The following CHL1 variants were observed in gnomAD, a reference collection of about 807,000 sequenced individuals.
The protein encoded by CHL1 is cell adhesion molecule L1 like, also known as neural cell adhesion molecule L1-like protein.
Under a neutral mutation model 141.9 loss-of-function variants are expected in CHL1, and 96 were observed. That is an observed-to-expected ratio of 0.68 (90% CI 0.57 to 0.80). The LOEUF (loss-of-function observed/expected upper bound fraction) is 0.80. CHL1 is among the 30% of genes least tolerant of loss of function. CHL1 has a pLI of 0.00. For synonymous variants in CHL1, 613 were observed against 502.2 expected, an observed-to-expected ratio of 1.22 and a Z score of -2.95; for missense variants, 1,820 against 1,457.2, an observed-to-expected ratio of 1.25 and a Z score of -4.05.
At chr3:259,591 C>T (rs1225355498) in intron 2 of CHL1, among the ~76,000 whole-genome samples, 1 of 152,084 alleles carries the variant, frequency 6.6e-6, no homozygotes, top group Non-Finnish European at 1.5e-5. Flanking sequence ...GTTATCTCAT[C>T]CACCATTCCT....
intron 5 of CHL1, among the ~76,000 whole-genome samples, chr3:340,114 C>G (rs1314049787): frequency 6.6e-6 from 1 of 152,136 alleles, no homozygotes; most frequent in East Asian, 1.9e-4. Context: ...CTGATTATAA[C>G]TGCATTGCTC....
At chr3:401,546 A>G (rs1709137254) in intron 26 of CHL1, 80 bp from the exon 27 acceptor site, 1 of 802,458 alleles carries the variant, frequency 1.2e-6, no homozygotes, top group East Asian at 2.6e-5. Context: ...CTTACTGACT[A>G]TTAACTATTC....
intron 11 of CHL1, among the ~76,000 whole-genome samples, chr3:359,495 G>T (rs1012223064): frequency 1.3e-5 from 2 of 151,954 alleles, no homozygotes; most frequent in African/African-American, 4.8e-5. Context: ...TGGAGACAGG[G>T]TTTTGCCGTG....
At chr3:269,343 C>T (rs1340353552) in intron 2 of CHL1, among the ~76,000 whole-genome samples, 1 of 152,114 alleles carries the variant, frequency 6.6e-6, no homozygotes, top group Non-Finnish European at 1.5e-5. Flanking sequence ...AGGAGACTTG[C>T]AAATGTTCCC....
intron 10 of CHL1, among the ~76,000 whole-genome samples, chr3:353,794 G>A (rs1703470426): frequency 1.3e-5 from 2 of 152,112 alleles, no homozygotes; most frequent in African/African-American, 4.8e-5. Flanking sequence ...TACACTTGAT[G>A]GGAGTTGCTA....
chr3:383,803 T>C lies in CHL1; in HGVS notation c.2177-13T>C, dbSNP rs753585093. On this transcript the variant is annotated splice_polypyrimidine_tract_variant and intron_variant, in intron 18 of 27. Transcript: ENST00000256509. Reference sequence around the variant, plus strand: ...TAAAAGGAAAAATAATGTTAATGTTTTTAATTTTTCAGCTCCAGATAGGAA... The same window carrying C: ...TAAAAGGAAAAATAATGTTAATGTTCTTAATTTTTCAGCTCCAGATAGGAA... The C allele has an allele frequency of 6.2e-7, 1 of 1,600,818 alleles. No homozygotes were observed. The highest frequency in any genetic ancestry group is 2.2e-5 in the East Asian group (1 of 44,658).
intron 1 of CHL1, among the ~76,000 whole-genome samples, chr3:203,095 G>A (rs1456648454): frequency 6.6e-6 from 1 of 152,208 alleles, no homozygotes; most frequent in African/African-American, 2.4e-5. Flanking sequence ...CTTTAAAAAT[G>A]AGACTTTCAT....
chr3:216,851 GC>G lies in CHL1; in HGVS notation c.-175+19789del, dbSNP rs200362899. 4.1e-3 allele frequency among the ~76,000 whole-genome samples: 620 copies of G among 152,292 alleles called. 4 individuals carry two copies. Among genetic ancestry groups the G allele is most frequent in the African/African-American group, 0.014 (587 of 41,554 alleles). On this transcript the variant is annotated intron_variant, in intron 1 of 27. Coordinates refer to ENST00000256509, the MANE Select transcript of CHL1 (RefSeq NM_006614.4). ...GATATATGGAAATGCCATGATAGAG[GC>G]TCAGAAGCTAACACTGAATTCAGCA...
chr3:231,321 C>T (rs138477648), intron 1 of CHL1, among the ~76,000 whole-genome samples: 20 of 152,064 alleles, frequency 1.3e-4, no homozygotes, highest in African/African-American at 3.9e-4. Context: ...CTCTTTTTTA[C>T]GTTAACACCA....
At chr3:396,968 C>A (rs1559358026) in intron 24 of CHL1, among the ~76,000 whole-genome samples, 1 of 152,082 alleles carries the variant, frequency 6.6e-6, no homozygotes, top group Non-Finnish European at 1.5e-5. Flanking sequence ...TCTTGCTCTG[C>A]CTATATAGCT....
chr3:323,759 A>G (rs1000701521), intron 3 of CHL1, among the ~76,000 whole-genome samples: 1 of 152,092 alleles, frequency 6.6e-6, no homozygotes, highest in African/African-American at 2.4e-5. Context: ...TAGCCACTCG[A>G]AAGGCTGAGG....
At chr3:393,192 C>T (rs1269466067) in intron 23 of CHL1, among the ~76,000 whole-genome samples, 4 of 140,464 alleles carry the variant, frequency 2.8e-5, no homozygotes, top group African/African-American at 1.0e-4. Context: ...GAGATGGAGC[C>T]ACTGCACTCC....
intron 1 of CHL1, among the ~76,000 whole-genome samples, chr3:199,012 C>A (rs1458890082): frequency 6.6e-6 from 1 of 152,150 alleles, no homozygotes; most frequent in Non-Finnish European, 1.5e-5. Flanking sequence ...TTTTGTAAAT[C>A]TTTGTGTTTT....
chr3:261,040 T>G (rs577028059), intron 2 of CHL1, among the ~76,000 whole-genome samples: 2 of 152,308 alleles, frequency 1.3e-5, no homozygotes, highest in South Asian at 4.1e-4. Context: ...AATGATGACC[T>G]AAGCTGTTAA....
rs560711932 is a variant in CHL1 at position 342,171 on chromosome 3, G to A, written c.679+89G>A. On this transcript the variant is annotated intron_variant, in intron 7 of 27. Transcript: ENST00000256509. ...TCTGGCTGAAGCCATTTAAAGCTGG[G>A]TTGATATTTTGCACCATTGTGCAGT... The A allele has an allele frequency of 1.8e-5, 23 of 1,261,968 alleles. 1 individual carries two copies. The Admixed American group carries it at 3.7e-4, about 20-fold the overall frequency. The allele number at this position is 1,261,968 out of a possible 1,614,324, so 78.2% of individuals were successfully genotyped here. A position where few individuals can be genotyped will look rare whatever the true frequency, so the allele number is the denominator to read the frequency against.
intron 1 of CHL1, among the ~76,000 whole-genome samples, chr3:230,714 A>T (rs909914707): frequency 2.1e-4 from 32 of 152,220 alleles, no homozygotes; most frequent in Non-Finnish European, 3.4e-4. Flanking sequence ...GGTTTAATTT[A>T]AAAATCATTT....
At chr3:279,167 G>T (rs370358749) in intron 2 of CHL1, among the ~76,000 whole-genome samples, 4 of 152,172 alleles carry the variant, frequency 2.6e-5, no homozygotes, top group South Asian at 2.1e-4. Context: ...TAAAGACAAA[G>T]AATATAGTCC....
At chr3:404,453 T>C (rs1025969195) in intron 27 of CHL1, among the ~76,000 whole-genome samples, 7 of 152,244 alleles carry the variant, frequency 4.6e-5, no homozygotes, top group African/African-American at 1.7e-4. Flanking sequence ...GTAATACTAA[T>C]TGGTACTTAA....
rs1485065507 is a variant in CHL1, at chr3:304,150, T to C, written c.-94-15533T>C. On this transcript the variant is annotated intron_variant, in intron 2 of 27. Transcript: ENST00000256509. ...TGCTGGATTCCATTTGCTAGTATTT[T>C]ATTGAGGATTTTCACATCAATGTTC... Among the ~76,000 whole-genome samples, 3 of 152,226 alleles carry C rather than the reference T, an allele frequency of 2.0e-5. No homozygotes were observed. In the East Asian group the frequency reaches 5.8e-4, roughly 29 times the overall value.
Sources: allele counts gnomAD v4.1 joint callset (sites outside exome capture counted in the v4.1 genomes callset), GRCh38; gene constraint gnomAD v4.1.1; transcripts MANE v1.5; gene names NCBI Gene and HGNC (gene_info 2026-07-23, HGNC 2026-07-21).